The following CEP85L variants were observed in gnomAD, a reference collection of about 807,000 sequenced individuals.
The protein encoded by CEP85L is centrosomal protein of 85 kDa-like.
Under a neutral mutation model 100.3 loss-of-function variants are expected in CEP85L, and 60 were observed. The observed-to-expected ratio is 0.60, with a 90% CI of 0.49 to 0.74. The LOEUF (loss-of-function observed/expected upper bound fraction) is 0.74, where lower values mean the gene tolerates loss of function less well. CEP85L is among the 30% of genes least tolerant of loss of function. CEP85L has a pLI of 0.00. For synonymous variants in CEP85L, 319 were observed against 322.7 expected, an observed-to-expected ratio of 0.99 and a Z score of 0.12; for missense variants, 973 against 936.2, an observed-to-expected ratio of 1.04 and a Z score of -0.51.
chr6:118,678,230 A>AG (rs1776541936), intron 1 of CEP85L, among the ~76,000 whole-genome samples: 1 of 152,236 alleles, frequency 6.6e-6, no homozygotes, highest in Non-Finnish European at 1.5e-5. Context: ...CCCGTTGGGT[A>AG]GCTCTGGAAC....
At chr6:118,692,198 T>C (rs999579308) in intron 1 of CEP85L, among the ~76,000 whole-genome samples, 1 of 152,112 alleles carries the variant, frequency 6.6e-6, no homozygotes, top group African/African-American at 2.4e-5. Flanking sequence ...AGCCCTGCAA[T>C]GGGTTAAAAA....
At chr6:118,540,583 C>T (rs1017011741) in intron 3 of CEP85L, among the ~76,000 whole-genome samples, 4 of 151,842 alleles carry the variant, frequency 2.6e-5, no homozygotes, top group Admixed American at 6.6e-5. Context: ...GGTGAAACTC[C>T]GTCTCTATAC....
intron 2 of CEP85L, among the ~76,000 whole-genome samples, chr6:118,623,211 C>G (rs531525533): frequency 6.6e-6 from 1 of 152,292 alleles, no homozygotes; most frequent in Non-Finnish European, 1.5e-5. Context: ...GAAATAATCC[C>G]TTGGTCCATC....
At chr6:118,622,619 G>A (rs1469143641) in intron 2 of CEP85L, among the ~76,000 whole-genome samples, 2 of 152,172 alleles carry the variant, frequency 1.3e-5, no homozygotes, top group African/African-American at 4.8e-5. Flanking sequence ...CTGGGAGAAG[G>A]AAAAAGAATA....
At chr6:118,672,748 A>G (rs1334310001) in intron 1 of CEP85L, among the ~76,000 whole-genome samples, 1 of 152,108 alleles carries the variant, frequency 6.6e-6, no homozygotes, top group Non-Finnish European at 1.5e-5. Context: ...CCTGGGCAAC[A>G]AAGTGAGATC....
intron 2 of CEP85L, among the ~76,000 whole-genome samples, chr6:118,615,627 A>G (rs1253234330): frequency 6.6e-6 from 1 of 152,180 alleles, no homozygotes; most frequent in Non-Finnish European, 1.5e-5. Flanking sequence ...TGGGGGTTTT[A>G]GGCCACTCCA....
At chr6:118,707,337 G>A (rs1237210475) in intron 1 of CEP85L, among the ~76,000 whole-genome samples, 1 of 152,092 alleles carries the variant, frequency 6.6e-6, no homozygotes, top group African/African-American at 2.4e-5. Context: ...GGGACTACAG[G>A]TGTGTGCCAC....
intron 1 of CEP85L, among the ~76,000 whole-genome samples, chr6:118,707,483 T>C (rs1777632308): frequency 6.6e-6 from 1 of 152,170 alleles, no homozygotes; most frequent in African/African-American, 2.4e-5. Context: ...CATGAGCCAC[T>C]GCACCTGGCC....
chr6:118,535,505 G>A (rs1017263875), intron 3 of CEP85L, among the ~76,000 whole-genome samples: 1 of 152,132 alleles, frequency 6.6e-6, no homozygotes, highest in African/African-American at 2.4e-5. Context: ...ACAGTCAACC[G>A]TTGCCTGAAA....
At chr6:118,526,487 T>C (rs1776971513) in intron 3 of CEP85L, among the ~76,000 whole-genome samples, 1 of 152,222 alleles carries the variant, frequency 6.6e-6, no homozygotes, top group African/African-American at 2.4e-5. Flanking sequence ...ATCTTATTTA[T>C]ACTTAATTGG....
At chr6:118,511,922 C>T (rs1163526970) in intron 4 of CEP85L, among the ~76,000 whole-genome samples, 2 of 150,748 alleles carry the variant, frequency 1.3e-5, no homozygotes, top group East Asian at 1.9e-4. Flanking sequence ...AGGAGAGATT[C>T]GTCATATAAC....
At chr6:118,510,409 A>T (rs554843814) in intron 5 of CEP85L, among the ~76,000 whole-genome samples, 4 of 152,280 alleles carry the variant, frequency 2.6e-5, no homozygotes, top group African/African-American at 9.6e-5. Flanking sequence ...TAACATAAAA[A>T]ATGATCAAAG....
intron 1 of CEP85L, among the ~76,000 whole-genome samples, chr6:118,687,924 G>A (rs62423965): frequency 0.22 from 33,778 of 152,000 alleles, 4,782 homozygotes; most frequent in Non-Finnish European, 0.32. Flanking sequence ...TAATCAAGCT[G>A]AACACTAGTC....
chr6:118,701,045 G>C (rs1036980707), intron 1 of CEP85L, among the ~76,000 whole-genome samples: 12 of 152,188 alleles, frequency 7.9e-5, no homozygotes, highest in Non-Finnish European at 1.8e-4. Flanking sequence ...CTGTAGGAGA[G>C]ACATAATCCC....
intron 1 of CEP85L, among the ~76,000 whole-genome samples, chr6:118,703,754 G>A (rs1174931367): frequency 6.6e-6 from 1 of 152,122 alleles, no homozygotes; most frequent in Non-Finnish European, 1.5e-5. Context: ...TTGGGTGAGG[G>A]TTGTGTGGGG....
chr6:118,642,524 TAAAA>T (rs1774943134), intron 1 of CEP85L, among the ~76,000 whole-genome samples: 1 of 152,160 alleles, frequency 6.6e-6, no homozygotes, highest in African/African-American at 2.4e-5. Context: ...TTCACTCAGC[TAAAA>T]TAAGGTTAGC....
chr6:118,573,824 CATGA>C (rs1024310226), intron 2 of CEP85L, among the ~76,000 whole-genome samples: 1 of 152,122 alleles, frequency 6.6e-6, no homozygotes, highest in Non-Finnish European at 1.5e-5. Flanking sequence ...TCATAGCACC[CATGA>C]ATATTAATTC....
upstream of CEP85L, chr6:118,652,337 T>TA: frequency 1.1e-6 from 1 of 947,380 alleles, no homozygotes; most frequent in Non-Finnish European, 1.3e-6. Flanking sequence ...CCTGAACCCT[T>TA]AGTGCAGGAG....
chr6:118,599,302 G>A (rs1412959828), intron 2 of CEP85L, among the ~76,000 whole-genome samples: 1 of 152,230 alleles, frequency 6.6e-6, no homozygotes, highest in African/African-American at 2.4e-5. Context: ...AAGGATGGCA[G>A]GGTGGTGTCC....
Sources: gnomAD v4.1 joint callset for allele counts (sites outside exome capture counted in the v4.1 genomes callset) on GRCh38, gnomAD v4.1.1 for gene constraint, MANE v1.5 for transcripts, NCBI Gene and HGNC (gene_info 2026-07-23, HGNC 2026-07-21) for gene names.